TCF3: variants seen among roughly 807,000 people sequenced by gnomAD.
TCF3 encodes transcription factor 3, also known as transcription factor E2-alpha.
In TCF3, 54 loss-of-function variants were observed where a neutral mutation model predicts 72.3. That is an observed-to-expected ratio of 0.75 (90% CI 0.60 to 0.94). The LOEUF (loss-of-function observed/expected upper bound fraction) is 0.94. Among genes scored for constraint, TCF3 ranks in the 40% least tolerant of loss-of-function variants. The pLI, the probability that TCF3 is intolerant of heterozygous loss-of-function variation, is 0.00. For synonymous variants in TCF3, 525 were observed against 412.6 expected, an observed-to-expected ratio of 1.27 and a Z score of -3.30; for missense variants, 1,078 against 934.4, an observed-to-expected ratio of 1.15 and a Z score of -2.00.
chr19:1,646,676 G>A (rs1048899089), intron 2 of TCF3, among the ~76,000 whole-genome samples: 4 of 152,138 alleles, frequency 2.6e-5, no homozygotes, highest in South Asian at 2.1e-4. Context: ...CGATGACCCC[G>A]CTGTACCGCC....
intron 3 of TCF3, among the ~76,000 whole-genome samples, chr19:1,635,564 G>A (rs1033831007): frequency 3.3e-5 from 5 of 151,892 alleles, no homozygotes. Context: ...GCACTGCCTG[G>A]AACACAGCTG....
At chr19:1,625,099 G>A (rs143336891) in intron 7 of TCF3, among the ~76,000 whole-genome samples, 8 of 152,286 alleles carry the variant, frequency 5.3e-5, no homozygotes, top group African/African-American at 1.2e-4. Flanking sequence ...CTCCTGTCTC[G>A]GCCTCCAGAG....
chr19:1,630,949 G>A (rs564417850), intron 5 of TCF3, among the ~76,000 whole-genome samples: 190 of 152,366 alleles, frequency 1.2e-3, no homozygotes, highest in Non-Finnish European at 2.2e-3. Flanking sequence ...CCCAGTCGCA[G>A]CCCCAGGTGC....
Position 1,646,445 on chromosome 19 carries a change from G to C in TCF3, c.73-18C>G, listed in dbSNP as rs1448644246. 2 of 1,546,006 alleles carry C rather than the reference G, an allele frequency of 1.3e-6. No individual in the cohort carries two copies. The highest frequency in any genetic ancestry group is 2.4e-5 in the South Asian group (2 of 83,956). ...GGGAACATCTGCAGGGAGGGGAGGG[G>C]AGACGTGAGCGGGGCGGGTGGCAAA... On this transcript the variant is annotated intron_variant, in intron 2 of 18. Transcript: ENST00000262965.
chr19:1,636,550 T>C (rs1347483029), intron 3 of TCF3, among the ~76,000 whole-genome samples: 1 of 152,166 alleles, frequency 6.6e-6, no homozygotes, highest in Non-Finnish European at 1.5e-5. Flanking sequence ...CCTCCCACCT[T>C]GTATTTCCCA....
chr19:1,625,803 G>A, intron 6 of TCF3, 95 bp from the exon 7 acceptor site: 1 of 1,384,312 alleles, frequency 7.2e-7, no homozygotes, highest in South Asian at 1.6e-5. Context: ...AAGCCACTCA[G>A]ACCCGCCCTG....
chr19:1,650,189 C>G lies in TCF3; in HGVS notation c.60G>C (p.Leu20=). 6.4e-7 allele frequency: 1 copy of G among 1,571,222 alleles called. No individual in the cohort carries two copies. Residue 20 remains leucine (L), a synonymous_variant, in exon 2 of 19, where the codon CTG becomes CTC. Coordinates refer to ENST00000262965, the MANE Select transcript of TCF3 (RefSeq NM_003200.5). ...VGTDKELSDL[L]DFSMMFPLPV... ...GGTCCTGGCTCACCATGCTGAAGTC[C>G]AGGAGGTCACTGAGCTCCTTGTCTG...
Position 1,615,688 on chromosome 19 carries a change from G to A in TCF3, c.1584C>T (p.Thr528=), listed in dbSNP as rs751564161. The part of the protein sequence containing the change: ...KKELKAPRAR[T]SPDEDEDDLL... ...AGTGCCGAGGGGTGGGTTGGCACCT[G>A]GTCCGGGCCCGGGGGGCCTTCAGCT... is the stretch of plus-strand genomic sequence containing the variant. Residue 528 remains threonine, a splice_region_variant and synonymous_variant, in exon 17 of 19, where the codon ACC becomes ACT. Coordinates refer to ENST00000262965, the MANE Select transcript of TCF3 (RefSeq NM_003200.5). This position sits in a 1 kb window ranked among gnomAD's most constrained non-coding sequence, Gnocchi z 7.3. 6.2e-7 allele frequency: 1 copy of A among 1,613,486 alleles called. No individual in the cohort carries two copies. Among genetic ancestry groups the A allele is most frequent in the Admixed American group, 1.7e-5 (1 of 59,998 alleles).
chr19:1,634,432 T>G (rs1396483908), intron 3 of TCF3, among the ~76,000 whole-genome samples: 2 of 152,110 alleles, frequency 1.3e-5, no homozygotes. Context: ...GGCCTGCGAG[T>G]GGACGGCGCA....
chr19:1,624,958 G>A (rs1320392033), intron 7 of TCF3, among the ~76,000 whole-genome samples: 2 of 152,196 alleles, frequency 1.3e-5, no homozygotes, highest in Admixed American at 1.3e-4. Flanking sequence ...CCATCCTCCT[G>A]CCTCAGCCTC....
At chr19:1,624,464 C>T (rs940766953) in intron 7 of TCF3, among the ~76,000 whole-genome samples, 5 of 152,180 alleles carry the variant, frequency 3.3e-5, no homozygotes, top group African/African-American at 1.2e-4. Flanking sequence ...CCAAAGATGT[C>T]GAAGAACCAC....
intron 6 of TCF3, among the ~76,000 whole-genome samples, chr19:1,627,025 G>A (rs1461039868): frequency 6.6e-6 from 1 of 151,316 alleles, no homozygotes; most frequent in African/African-American, 2.4e-5. Flanking sequence ...CGGCTGCACA[G>A]GGGCCTGTTG....
chr19:1,643,319 C>A (rs2065606862), intron 3 of TCF3, among the ~76,000 whole-genome samples: 1 of 152,174 alleles, frequency 6.6e-6, no homozygotes, highest in Admixed American at 6.5e-5. Context: ...CTCCCAGGCT[C>A]CAGCAATCCT....
At chr19:1,623,756 G>A (rs114732557) in intron 8 of TCF3, among the ~76,000 whole-genome samples, 195 bp downstream of exon 8, 2 of 152,282 alleles carry the variant, frequency 1.3e-5, no homozygotes, top group Admixed American at 6.5e-5. Flanking sequence ...GACAGAGGCT[G>A]GACCTAGGGA....
Position 1,621,838 on chromosome 19 carries a change from C to T in TCF3, c.955G>A (p.Gly319Ser), listed in dbSNP as rs2062265590. 1.3e-6 allele frequency: 2 copies of T among 1,587,180 alleles called. No homozygotes were observed. Among genetic ancestry groups the T allele is most frequent in the Admixed American group, 1.8e-5 (1 of 55,714 alleles). Residue 319 changes from glycine (G) to serine (S), a missense_variant and splice_region_variant, in exon 11 of 19, where the codon GGC (glycine) becomes AGC (serine). Transcript: ENST00000262965. ...PPVSGADSLL[G>S]SRGTTAGSSG... ...GCCGCATCCCAGGGAGGGGCCATAC[C>T]CAGGAGGCTGTCGGCCCCGCTGACA...
At chr19:1,626,710 G>A (rs1328682998) in intron 6 of TCF3, among the ~76,000 whole-genome samples, 1 of 152,182 alleles carries the variant, frequency 6.6e-6, no homozygotes, top group African/African-American at 2.4e-5. Flanking sequence ...CTCGTTGCGG[G>A]GACTGATAGG....
chr19:1,645,184 T>C (rs1258557177), intron 3 of TCF3, among the ~76,000 whole-genome samples: 9 of 151,814 alleles, frequency 5.9e-5, no homozygotes, highest in Non-Finnish European at 1.2e-4. Flanking sequence ...GGCCCACCCC[T>C]GGGGGATTCT....
intron 1 of TCF3, among the ~76,000 whole-genome samples, chr19:1,651,552 G>A (rs1205729962): frequency 6.6e-6 from 1 of 152,212 alleles, no homozygotes; most frequent in Non-Finnish European, 1.5e-5. Context: ...GGCATTCTAC[G>A]GGAGCTGGAA....
At chr19:1,623,835 G>C in intron 8 of TCF3, 116 bp downstream of exon 8, 1 of 1,028,340 alleles carries the variant, frequency 9.7e-7, no homozygotes, top group Non-Finnish European at 1.4e-6. Flanking sequence ...GAAATCACAG[G>C]GGGCCTGTCC....
Sources: gnomAD v4.1 joint callset for allele counts (sites outside exome capture counted in the v4.1 genomes callset) on GRCh38, gnomAD v4.1.1 for gene constraint, Gnocchi (gnomAD v3.1) non-coding constraint, MANE v1.5 for transcripts, NCBI Gene and HGNC (gene_info 2026-07-23, HGNC 2026-07-21) for gene names.